Variants in TRAPPC10 observed in about 807,000 individuals in gnomAD.
The protein encoded by TRAPPC10 is trafficking protein particle complex subunit 10, also known as TRAPP 130 kDa subunit.
A neutral mutation model predicts 125.5 loss-of-function variants in TRAPPC10; 23 were observed. That is an observed-to-expected ratio of 0.18 (90% CI 0.13 to 0.26). TRAPPC10 has a LOEUF of 0.26. Among genes scored for constraint, TRAPPC10 ranks in the 10% least tolerant of loss-of-function variants. TRAPPC10 has a pLI of 1.00. For synonymous variants in TRAPPC10, 509 were observed against 518.0 expected (o/e 0.98, Z 0.24); for missense variants, 1,123 against 1,308.4 (o/e 0.86, Z 2.19).
intron 15 of TRAPPC10, among the ~76,000 whole-genome samples, chr21:44,084,828 A>G (rs1220354846): frequency 6.6e-6 from 1 of 152,194 alleles, no homozygotes. Flanking sequence ...GGGTTTGATG[A>G]ATTTGTTAGA....
intron 20 of TRAPPC10, among the ~76,000 whole-genome samples, chr21:44,095,785 G>C (rs2038893726): frequency 6.6e-6 from 1 of 152,100 alleles, no homozygotes. Flanking sequence ...GGCCAGGCTG[G>C]TCTTGAACTC....
chr21:44,015,729 C>T (rs2031761626), intron 1 of TRAPPC10, among the ~76,000 whole-genome samples: 1 of 152,066 alleles, frequency 6.6e-6, no homozygotes, highest in Non-Finnish European at 1.5e-5. Flanking sequence ...ATTCTCCTGC[C>T]TCAGCCTCCC....
chr21:44,020,983 G>C (rs899297734), intron 1 of TRAPPC10, among the ~76,000 whole-genome samples: 2 of 152,150 alleles, frequency 1.3e-5, no homozygotes, highest in Admixed American at 1.3e-4. Context: ...ATGGAAGCAG[G>C]GAGTTTGTCC....
At chr21:44,084,035 C>A in intron 14 of TRAPPC10, 87 bp from the exon 15 acceptor site, 1 of 1,522,012 alleles carries the variant, frequency 6.6e-7, no homozygotes. Flanking sequence ...TTCTGGAGTT[C>A]AGAGAGACCG....
At chr21:44,079,906 A>AT in intron 12 of TRAPPC10, 109 bp from the exon 13 acceptor site, 1 of 1,109,322 alleles carries the variant, frequency 9.0e-7, no homozygotes, top group South Asian at 1.5e-5. Context: ...AAAAAAAAAA[A>AT]GCCCTTTGGC....
intron 3 of TRAPPC10, among the ~76,000 whole-genome samples, chr21:44,047,999 C>A (rs1360732615): frequency 5.3e-5 from 8 of 152,160 alleles, no homozygotes; most frequent in Non-Finnish European, 1.2e-4. Context: ...CAAATTATTC[C>A]TTACAGCCGA....
intron 13 of TRAPPC10, among the ~76,000 whole-genome samples, chr21:44,080,678 C>T (rs1051244397): frequency 5.3e-5 from 8 of 152,070 alleles, no homozygotes; most frequent in African/African-American, 1.4e-4. Flanking sequence ...GCTGGGGTTA[C>T]GTGCGCCCGC....
At chr21:44,053,554 G>A (rs2035370024) in intron 4 of TRAPPC10, among the ~76,000 whole-genome samples, 1 of 152,204 alleles carries the variant, frequency 6.6e-6, no homozygotes, top group Admixed American at 6.5e-5. Flanking sequence ...TAGCTCAAAT[G>A]TTGTGAGCAT....
intron 3 of TRAPPC10, among the ~76,000 whole-genome samples, chr21:44,048,797 GTTTTTT>G (rs34892092): frequency 0.042 from 4,409 of 105,620 alleles, 87 homozygotes; most frequent in Admixed American, 0.073. Flanking sequence ...CCCACCCTGT[GTTTTTT>G]TTTTTTTTTT....
At chr21:44,060,272 T>G (rs1300673179) in intron 6 of TRAPPC10, 1 of 140,998 alleles carries the variant, frequency 7.1e-6, no homozygotes, top group Non-Finnish European at 1.5e-5. Context: ...ATATTTTATG[T>G]GTCTTTTTTT....
intron 4 of TRAPPC10, among the ~76,000 whole-genome samples, chr21:44,053,275 ATGTT>A (rs1243110764): frequency 3.3e-5 from 5 of 151,938 alleles, no homozygotes; most frequent in Admixed American, 6.5e-5. Context: ...TTTGGTATGT[ATGTT>A]CTGAGACTTT....
chr21:44,025,004 A>G (rs2032912777), intron 1 of TRAPPC10, among the ~76,000 whole-genome samples: 1 of 152,238 alleles, frequency 6.6e-6, no homozygotes. Flanking sequence ...TGTTGAGATC[A>G]TTCTCATTCC....
At chr21:44,070,136 A>G (rs1457145939) in intron 7 of TRAPPC10, among the ~76,000 whole-genome samples, 1 of 152,150 alleles carries the variant, frequency 6.6e-6, no homozygotes, top group Non-Finnish European at 1.5e-5. Flanking sequence ...CACGGGAGGC[A>G]TAGCAGGCGT....
In TRAPPC10 at chr21:44,059,061, T is replaced by A. The variant is rs950687173; in HGVS notation, c.679-42T>A. Reference sequence around the variant, plus strand: ...CATACTGTTTCTTCTATACATTGATTTATGTTTTTGTTTTTTTAAAAAACG... The same window carrying A: ...CATACTGTTTCTTCTATACATTGATATATGTTTTTGTTTTTTTAAAAAACG... On this transcript the variant is annotated intron_variant, in intron 5 of 22. Coordinates refer to ENST00000291574, the MANE Select transcript of TRAPPC10 (RefSeq NM_003274.5). This position sits in a 1 kb window ranked among gnomAD's most constrained non-coding sequence, Gnocchi z 4.4. 4.1e-6 allele frequency: 6 copies of A among 1,479,496 alleles called. No individual in the cohort carries two copies. The African/African-American group carries it at 5.6e-5, about 14-fold the overall frequency. 91.6% of individuals were successfully genotyped at this position (1,479,496 alleles called of 1,614,324 possible).
At chr21:44,079,128 A>G (rs1032494847) in intron 11 of TRAPPC10, among the ~76,000 whole-genome samples, 1 of 152,064 alleles carries the variant, frequency 6.6e-6, no homozygotes, top group South Asian at 2.1e-4. Flanking sequence ...TTTAGTAGGT[A>G]GTGTAGACCC....
Position 44,059,513 on chromosome 21 carries a change from A to G in TRAPPC10, c.790+299A>G. ...TCAGTGGCCTGCTGGTGATGCTTCG[A>G]TTCTGTCCCTCGTTAGAATCAGAGT... On this transcript the variant is annotated intron_variant, in intron 6 of 22. Transcript: ENST00000291574. The surrounding 1 kb of genome is among the most constrained non-coding windows in gnomAD (Gnocchi z 4.4). 1 of 756,040 alleles carries G rather than the reference A, an allele frequency of 1.3e-6. No individual in the cohort carries two copies. 46.8% of individuals were successfully genotyped at this position (756,040 alleles called of 1,614,324 possible).
intron 1 of TRAPPC10, among the ~76,000 whole-genome samples, chr21:44,014,522 C>A (rs1233868739): frequency 6.6e-6 from 1 of 151,922 alleles, no homozygotes; most frequent in Admixed American, 6.6e-5. Flanking sequence ...TCTCCTTCCT[C>A]GGCCTCCCGA....
chr21:44,022,129 A>G (rs867376424), intron 1 of TRAPPC10, among the ~76,000 whole-genome samples: 25 of 147,936 alleles, frequency 1.7e-4, no homozygotes, highest in African/African-American at 5.5e-4. Context: ...TGTTTTTGAG[A>G]TGGAGTTTCG....
chr21:44,072,792 G>A (rs558445899), intron 7 of TRAPPC10, among the ~76,000 whole-genome samples: 31 of 152,302 alleles, frequency 2.0e-4, no homozygotes, highest in Middle Eastern at 3.4e-3. Flanking sequence ...TGTCACCAGT[G>A]TGTGCCCAGG....
Sources: allele counts gnomAD v4.1 joint callset (sites outside exome capture counted in the v4.1 genomes callset), GRCh38; gene constraint gnomAD v4.1.1; non-coding constraint Gnocchi (gnomAD v3.1); transcripts MANE v1.5; gene names NCBI Gene and HGNC (gene_info 2026-07-23, HGNC 2026-07-21).